The following KCNH1 variants were observed in gnomAD, a reference collection of about 807,000 sequenced individuals.
KCNH1 encodes the protein voltage-gated delayed rectifier potassium channel KCNH1.
Under a neutral mutation model 69.2 loss-of-function variants are expected in KCNH1, and 27 were observed. The observed-to-expected ratio is 0.39, with a 90% CI of 0.29 to 0.54. The LOEUF (loss-of-function observed/expected upper bound fraction) is 0.54. Ranked by LOEUF, KCNH1 falls within the 20% of genes least tolerant of loss-of-function variation. The probability of loss-of-function intolerance (pLI) is 0.68; values close to 1 mark genes in which losing one functional copy is unlikely to be tolerated. For missense variants in KCNH1, 798 were observed against 1,261.6 expected, an observed-to-expected ratio of 0.63 and a Z score of 5.57; for synonymous variants, 456 against 487.7, an observed-to-expected ratio of 0.93 and a Z score of 0.86.
intron 6 of KCNH1, among the ~76,000 whole-genome samples, chr1:210,947,556 C>A: frequency 6.7e-6 from 1 of 149,108 alleles, no homozygotes; most frequent in East Asian, 2.0e-4. Context: ...ACCTGGGCAA[C>A]ACAGCAAGAC....
chr1:210,809,849 A>C (rs1684665696), intron 7 of KCNH1, among the ~76,000 whole-genome samples: 1 of 152,132 alleles, frequency 6.6e-6, no homozygotes, highest in African/African-American at 2.4e-5. Context: ...GGTTATAACA[A>C]AGCATGTTTA....
chr1:210,957,204 T>C (rs1688194422), intron 6 of KCNH1, among the ~76,000 whole-genome samples: 1 of 152,204 alleles, frequency 6.6e-6, no homozygotes, highest in South Asian at 2.1e-4. Flanking sequence ...ACTGTTCAGT[T>C]TCCATGTAGT....
intron 1 of KCNH1, among the ~76,000 whole-genome samples, chr1:211,115,301 G>A (rs772226982): frequency 6.6e-6 from 1 of 152,060 alleles, no homozygotes; most frequent in Non-Finnish European, 1.5e-5. Context: ...AATTAATATC[G>A]TTAACATGTT....
At chr1:210,753,768 A>C (rs1683332182) in intron 10 of KCNH1, among the ~76,000 whole-genome samples, 1 of 152,124 alleles carries the variant, frequency 6.6e-6, no homozygotes, top group Admixed American at 6.5e-5. Flanking sequence ...GCCCATTATA[A>C]TTCTTAAAGA....
intron 7 of KCNH1, among the ~76,000 whole-genome samples, chr1:210,869,484 CGTGTGTGTGTGTGTGTGT>C (rs61235458): frequency 0.023 from 3,207 of 137,012 alleles, 117 homozygotes; most frequent in African/African-American, 0.084. Flanking sequence ...AGTTATAAGT[CGTGTGTGTGTGTGTGTGT>C]GTGTGTGTGT....
chr1:211,057,784 C>T (rs1036668857), intron 5 of KCNH1, among the ~76,000 whole-genome samples: 13 of 150,378 alleles, frequency 8.6e-5, no homozygotes, highest in African/African-American at 2.4e-4. Flanking sequence ...ACGACAGATC[C>T]GAAAAAAAAA....
intron 6 of KCNH1, among the ~76,000 whole-genome samples, chr1:210,968,707 A>G (rs1037383577): frequency 6.6e-6 from 1 of 151,398 alleles, no homozygotes; most frequent in Non-Finnish European, 1.5e-5. Flanking sequence ...CCACTTTTTG[A>G]TGGGGTTGTT....
chr1:211,001,834 A>C (rs1033618963), intron 6 of KCNH1, among the ~76,000 whole-genome samples: 1 of 152,072 alleles, frequency 6.6e-6, no homozygotes, highest in Non-Finnish European at 1.5e-5. Flanking sequence ...CTATGCAGCC[A>C]TAAAAAGGAT....
intron 6 of KCNH1, among the ~76,000 whole-genome samples, chr1:210,974,547 T>C (rs190776181): frequency 0.012 from 1,777 of 149,196 alleles, 16 homozygotes; most frequent in Middle Eastern, 0.034. Flanking sequence ...AGAATTTTTA[T>C]GTGTTTCTTC....
At chr1:210,793,564 A>G (rs1464778599) in intron 9 of KCNH1, among the ~76,000 whole-genome samples, 3 of 152,244 alleles carry the variant, frequency 2.0e-5, no homozygotes, top group Non-Finnish European at 4.4e-5. Context: ...ACACTCAGTT[A>G]TGAGTACTGA....
chr1:211,098,004 C>A (rs1400138931), intron 3 of KCNH1, among the ~76,000 whole-genome samples: 1 of 152,182 alleles, frequency 6.6e-6, no homozygotes, highest in Non-Finnish European at 1.5e-5. Context: ...TGAATGACTT[C>A]ATTAATGACA....
intron 1 of KCNH1, among the ~76,000 whole-genome samples, chr1:211,110,801 G>A (rs550179809): frequency 1.1e-4 from 16 of 152,252 alleles, no homozygotes; most frequent in Admixed American, 5.2e-4. Flanking sequence ...GGGGTAGGGA[G>A]TAAGATTAAG....
At chr1:210,970,574 C>A (rs1391669070) in intron 6 of KCNH1, among the ~76,000 whole-genome samples, 15 of 152,288 alleles carry the variant, frequency 9.8e-5, no homozygotes, top group African/African-American at 3.4e-4. Flanking sequence ...GCTGGGAAAA[C>A]TGGCTAGCCA....
chr1:210,827,929 C>T (rs1280352172), intron 7 of KCNH1, among the ~76,000 whole-genome samples: 1 of 152,152 alleles, frequency 6.6e-6, no homozygotes, highest in Non-Finnish European at 1.5e-5. Context: ...CAACCTTCAC[C>T]TCCCAGTAAG....
At chr1:211,109,127 AC>A (rs1691414646) in intron 1 of KCNH1, among the ~76,000 whole-genome samples, 1 of 152,262 alleles carries the variant, frequency 6.6e-6, no homozygotes, top group Non-Finnish European at 1.5e-5. Flanking sequence ...CACAGATAAT[AC>A]AAAAACAATA....
intron 5 of KCNH1, among the ~76,000 whole-genome samples, chr1:211,037,524 A>C (rs1486583780): frequency 7.1e-6 from 1 of 140,752 alleles, no homozygotes; most frequent in African/African-American, 2.7e-5. Context: ...TACTGTACAC[A>C]GACTCTTGAT....
At chr1:210,748,826 C>G (rs1683220465) in intron 10 of KCNH1, among the ~76,000 whole-genome samples, 1 of 152,200 alleles carries the variant, frequency 6.6e-6, no homozygotes, top group South Asian at 2.1e-4. Flanking sequence ...CCTGTATTAG[C>G]CCTCTTGAAC....
chr1:210,862,398 C>T (rs1685999027), intron 7 of KCNH1: 2 of 596,602 alleles, frequency 3.4e-6, no homozygotes, highest in South Asian at 1.8e-5. Context: ...GGCAATGGTG[C>T]AATCTTAACT....
intron 7 of KCNH1, among the ~76,000 whole-genome samples, chr1:210,895,930 A>G (rs980134577): frequency 1.1e-4 from 16 of 152,182 alleles, no homozygotes; most frequent in African/African-American, 3.4e-4. Flanking sequence ...TCATCAGATA[A>G]GCAATCCTAC....
Sources: allele counts gnomAD v4.1 joint callset (sites outside exome capture counted in the v4.1 genomes callset), GRCh38; gene constraint gnomAD v4.1.1; transcripts MANE v1.5; gene names NCBI Gene and HGNC (gene_info 2026-07-23, HGNC 2026-07-21).